The following RAD50 variants were observed in gnomAD, a reference collection of about 807,000 sequenced individuals.
RAD50 encodes the protein RAD50 double strand break repair protein.
RAD50 carries 132 observed loss-of-function variants against 168.8 expected under a neutral mutation model. That is an observed-to-expected ratio of 0.78 (90% CI 0.68 to 0.90). The LOEUF is 0.90. RAD50 is among the 40% of genes least tolerant of loss of function. The pLI is 0.00. For synonymous variants in RAD50, 525 were observed against 497.4 expected (o/e 1.06, Z -0.74); for missense variants, 1,347 against 1,534.4 (o/e 0.88, Z 2.04).
At chr5:132,629,134 C>T (rs1000569814) in intron 21 of RAD50, among the ~76,000 whole-genome samples, 21 of 152,140 alleles carry the variant, frequency 1.4e-4, no homozygotes, top group African/African-American at 5.1e-4. Flanking sequence ...CCCTGAGAAC[C>T]AGTGGCAGCA....
chr5:132,573,130 T>A (rs1022606064), intron 2 of RAD50, among the ~76,000 whole-genome samples: 1 of 152,210 alleles, frequency 6.6e-6, no homozygotes, highest in African/African-American at 2.4e-5. Flanking sequence ...TAGGAAATAC[T>A]GGTGTTGGGA....
intron 11 of RAD50, chr5:132,592,795 T>A (rs1014924357): frequency 4.2e-6 from 2 of 470,604 alleles, no homozygotes; most frequent in African/African-American, 4.0e-5. Context: ...TTCCATCACC[T>A]CCTGTTACAA....
chr5:132,628,261 G>A (rs914562735), intron 21 of RAD50, among the ~76,000 whole-genome samples: 32 of 152,122 alleles, frequency 2.1e-4, no homozygotes, highest in Non-Finnish European at 1.3e-4. Context: ...GATCACATGT[G>A]GAATGAGCAT....
chr5:132,635,326 A>G (rs745395689), intron 21 of RAD50, among the ~76,000 whole-genome samples: 1 of 152,232 alleles, frequency 6.6e-6, no homozygotes, highest in Non-Finnish European at 1.5e-5. Flanking sequence ...ATCAATAATA[A>G]TCATTATTAT....
chr5:132,588,403 C>T (rs1043096608), intron 7 of RAD50, among the ~76,000 whole-genome samples: 13 of 151,830 alleles, frequency 8.6e-5, no homozygotes, highest in African/African-American at 3.1e-4. Flanking sequence ...ATATATGAAC[C>T]GACACAGGTG....
At chr5:132,575,669 TTTC>T in intron 2 of RAD50, 105 bp from the exon 3 acceptor site, 2 of 1,048,386 alleles carry the variant, frequency 1.9e-6, no homozygotes, top group South Asian at 2.7e-5. Flanking sequence ...TTTGGATGTT[TTTC>T]TTTTTGTTCC....
At chr5:132,607,568 A>G (rs1047094709) in intron 16 of RAD50, among the ~76,000 whole-genome samples, 1 of 152,164 alleles carries the variant, frequency 6.6e-6, no homozygotes, top group African/African-American at 2.4e-5. Flanking sequence ...AAAATATCAG[A>G]GGTTCAGAAT....
chr5:132,592,894 G>C, intron 11 of RAD50: 1 of 470,742 alleles, frequency 2.1e-6, no homozygotes, highest in Non-Finnish European at 4.4e-6. Flanking sequence ...AGTGATTTTG[G>C]GCATCCATCA....
chr5:132,610,102 TTAACA>T (rs1415138499), intron 19 of RAD50, among the ~76,000 whole-genome samples: 2 of 151,864 alleles, frequency 1.3e-5, no homozygotes, highest in African/African-American at 4.8e-5. Flanking sequence ...CTTTTTTCAC[TTAACA>T]TAATTTGATT....
Position 132,642,582 on chromosome 5 carries a change from T to C in RAD50, c.*218T>C. On this transcript the variant is annotated 3_prime_UTR_variant, in exon 25 of 25. Transcript: ENST00000378823. ...TTCTGATTTGCTGCTCTTCATCCCA[T>C]TCCAGGCAGCCTCTGTCAGGCCTTC... The C allele has an allele frequency of 1.7e-6, 1 of 584,488 alleles. No individual in the cohort carries two copies. Among genetic ancestry groups the C allele is most frequent in the Non-Finnish European group, 3.0e-6 (1 of 334,332 alleles). 36.2% of individuals were successfully genotyped at this position (584,488 alleles called of 1,614,324 possible).
rs767540717 is a variant in RAD50 at position 132,557,436 on chromosome 5, A to G, written c.112A>G (p.Asn38Asp). ...CCCCCTTACAATTTTGGTTGGACCC[A>G]ATGGGGCGGGAAAGACGGTAAGTCT... ...FSPLTILVGP[N>D]GAGKTTIIEC... Residue 38 changes from asparagine to aspartate, a missense_variant, in exon 1 of 25, where the codon AAT (asparagine) becomes GAT (aspartate). Asn to Asp is a conservative substitution (Grantham distance 23, BLOSUM62 1). Coordinates refer to ENST00000378823, the MANE Select transcript of RAD50 (RefSeq NM_005732.4). 3 of 1,614,106 alleles carry G rather than the reference A, an allele frequency of 1.9e-6. No homozygotes were observed. The highest frequency in any genetic ancestry group is 2.2e-5 in the East Asian group (1 of 44,900).
chr5:132,639,909 G>A (rs1187327736), intron 23 of RAD50, among the ~76,000 whole-genome samples: 1 of 152,152 alleles, frequency 6.6e-6, no homozygotes, highest in Non-Finnish European at 1.5e-5. Flanking sequence ...CCAACTCACT[G>A]ATGTGTGCGC....
chr5:132,586,752 C>G (rs780418088), intron 5 of RAD50, among the ~76,000 whole-genome samples: 1 of 152,054 alleles, frequency 6.6e-6, no homozygotes. Flanking sequence ...ATAGTCTCAG[C>G]TACTTGGAGG....
intron 2 of RAD50, among the ~76,000 whole-genome samples, chr5:132,567,426 AT>A (rs1354578161): frequency 6.6e-6 from 1 of 152,208 alleles, no homozygotes; most frequent in Non-Finnish European, 1.5e-5. Context: ...GGCACATGGA[AT>A]TGGAATCCAG....
At chr5:132,558,369 C>G (rs1473513330) in intron 1 of RAD50, among the ~76,000 whole-genome samples, 1 of 152,100 alleles carries the variant, frequency 6.6e-6, no homozygotes, top group Non-Finnish European at 1.5e-5. Context: ...TGCGAGTGAC[C>G]TCACTGCTCT....
At chr5:132,619,831 T>TACTC (rs1561651606) in intron 21 of RAD50, among the ~76,000 whole-genome samples, 13 of 133,552 alleles carry the variant, frequency 9.7e-5, no homozygotes, top group African/African-American at 3.5e-4. Flanking sequence ...TCTCTCTCTC[T>TACTC]CTCTCTATAT....
chr5:132,576,496 GCTT>G (rs1415807676), intron 3 of RAD50, among the ~76,000 whole-genome samples: 2 of 152,146 alleles, frequency 1.3e-5, no homozygotes. Context: ...TGACTATTCA[GCTT>G]CTTCTCCTCC....
rs1060501938 is a variant in RAD50 at position 132,588,017 on chromosome 5, C to T, written c.979C>T (p.Arg327Cys). 6.2e-7 allele frequency: 1 copy of T among 1,611,660 alleles called. No individual in the cohort carries two copies. The highest frequency in any genetic ancestry group is 8.5e-7 in the Non-Finnish European group (1 of 1,178,022). Residue 327 changes from arginine to cysteine, a missense_variant, in exon 7 of 25, where the codon CGT becomes TGT. By Grantham distance (180) the Arg-to-Cys change is radical. Coordinates refer to ENST00000378823, the MANE Select transcript of RAD50 (RefSeq NM_005732.4). ...AGAAAGGAAATTGGTAGACTGTCAT[C>T]GTGAACTGGAAAAACTAAATAAAGA... Reference protein sequence around the residue: ...EKERKLVDCHRELEKLNKESR... With the variant: ...EKERKLVDCHCELEKLNKESR...
At chr5:132,613,532 C>A (rs1751123246) in intron 19 of RAD50, among the ~76,000 whole-genome samples, 1 of 150,644 alleles carries the variant, frequency 6.6e-6, no homozygotes, top group Non-Finnish European at 1.5e-5. Context: ...ATTTTATTAG[C>A]AATTATTGAG....
Sources: gnomAD v4.1 joint callset for allele counts (sites outside exome capture counted in the v4.1 genomes callset) on GRCh38, gnomAD v4.1.1 for gene constraint, MANE v1.5 for transcripts, NCBI Gene and HGNC (gene_info 2026-07-23, HGNC 2026-07-21) for gene names.